WDR88: variants seen among roughly 807,000 people sequenced by gnomAD.
The protein encoded by WDR88 is WD repeat domain 88, also known as WD repeat-containing protein 88.
WDR88 carries 40 observed loss-of-function variants against 46.8 expected under a neutral mutation model. The observed-to-expected ratio is 0.86, with a 90% confidence interval of 0.66 to 1.11. The LOEUF (loss-of-function observed/expected upper bound fraction) is 1.11, where lower values mean the gene tolerates loss of function less well. Ranked by LOEUF, WDR88 falls within the 50% of genes most tolerant of loss-of-function variation. The pLI is 0.00. For missense variants in WDR88, 562 were observed against 602.4 expected (o/e 0.93, Z 0.70); for synonymous variants, 235 against 240.7 (o/e 0.98, Z 0.22).
At chr19:33,165,593 G>A (rs545134726) in intron 9 of WDR88, among the ~76,000 whole-genome samples, 1 of 152,234 alleles carries the variant, frequency 6.6e-6, no homozygotes, top group South Asian at 2.1e-4. Flanking sequence ...ATATGTTTGA[G>A]AAAAATATAA....
At chr19:33,138,007 G>A (rs1973310734) in intron 2 of WDR88, among the ~76,000 whole-genome samples, 1 of 151,992 alleles carries the variant, frequency 6.6e-6, no homozygotes. Context: ...GTGGGAATGG[G>A]ATGGAGACCT....
At chr19:33,145,850 T>C (rs1237133392) in intron 3 of WDR88, among the ~76,000 whole-genome samples, 2 of 152,174 alleles carry the variant, frequency 1.3e-5, no homozygotes, top group Non-Finnish European at 2.9e-5. Context: ...TTATCTTATA[T>C]AGAGGACAAA....
In WDR88 at chr19:33,155,868, C is replaced by T. The variant is rs569298215; in HGVS notation, c.810-487C>T. On this transcript the variant is annotated intron_variant, in intron 6 of 10. Transcript: ENST00000355868. ...TAGCCAGGAGAGGCCAGGGATGCTG[C>T]TCCACCTCCTACAGAACACAGGACG... Among the ~76,000 whole-genome samples the T allele has an allele frequency of 3.3e-5, 5 of 152,316 alleles. No individual in the cohort carries two copies. In the South Asian group the frequency reaches 1.0e-3, roughly 32 times the overall value.
intron 7 of WDR88, among the ~76,000 whole-genome samples, chr19:33,157,533 A>ATATATG (rs1973762518): frequency 1.5e-5 from 2 of 130,126 alleles, no homozygotes; most frequent in South Asian, 2.2e-4. Context: ...GTGTATATAT[A>ATATATG]TATATATGTA....
intron 2 of WDR88, among the ~76,000 whole-genome samples, chr19:33,139,719 T>A (rs1368963164): frequency 2.0e-5 from 3 of 152,144 alleles, no homozygotes. Flanking sequence ...ATTGTCTGTT[T>A]TTGTTTGTTT....
chr19:33,147,267 G>C (rs1223352166), intron 3 of WDR88, among the ~76,000 whole-genome samples: 1 of 151,084 alleles, frequency 6.6e-6, no homozygotes, highest in South Asian at 2.1e-4. Flanking sequence ...GGGGGCGGGG[G>C]AGGATGGAAA....
intron 4 of WDR88, among the ~76,000 whole-genome samples, chr19:33,148,215 C>T (rs918817175): frequency 6.6e-6 from 1 of 151,920 alleles, no homozygotes; most frequent in Non-Finnish European, 1.5e-5. Flanking sequence ...CCCACTCGGC[C>T]CTGCACCCCT....
rs1210626315 is a variant in WDR88 at position 33,147,717 on chromosome 19, G to C, written c.540+9G>C. 1 of 1,613,552 alleles carries C rather than the reference G, an allele frequency of 6.2e-7. No individual in the cohort carries two copies. Among genetic ancestry groups the C allele is most frequent in the African/African-American group, 1.3e-5 (1 of 74,926 alleles). On this transcript the variant is annotated intron_variant, in intron 4 of 10. Transcript: ENST00000355868. Reference sequence around the variant, plus strand: ...AGACAGGCAAGCTGCTGGTACGTATGCCTGTCCAGTGGGGGCGTTGGTTGC... The same window carrying C: ...AGACAGGCAAGCTGCTGGTACGTATCCCTGTCCAGTGGGGGCGTTGGTTGC...
At chr19:33,156,670 C>T (rs1011814594) in intron 7 of WDR88, 128 bp downstream of exon 7, 104 of 1,125,716 alleles carry the variant, frequency 9.2e-5, no homozygotes, top group East Asian at 8.0e-4. Flanking sequence ...TTCTTCCCCA[C>T]GAGAACAAAA....
At chr19:33,170,753 T>G (rs1974024650) in intron 9 of WDR88, among the ~76,000 whole-genome samples, 1 of 151,964 alleles carries the variant, frequency 6.6e-6, no homozygotes, top group Non-Finnish European at 1.5e-5. Flanking sequence ...TCCCAGCTAT[T>G]CGGGGGGCCA....
intron 2 of WDR88, 58 bp downstream of exon 2, chr19:33,137,845 C>T (rs1365237920): frequency 2.0e-6 from 3 of 1,468,348 alleles, no homozygotes; most frequent in Non-Finnish European, 2.8e-6. Flanking sequence ...GCTTAGGCAC[C>T]TCCTGTGTCG....
intron 8 of WDR88, among the ~76,000 whole-genome samples, chr19:33,162,633 G>C (rs62125330): frequency 6.6e-6 from 1 of 151,990 alleles, no homozygotes; most frequent in Non-Finnish European, 1.5e-5. Flanking sequence ...CCTCTGAGGG[G>C]TATTTCCTAG....
chr19:33,151,963 G>A (rs1973642794), intron 6 of WDR88, among the ~76,000 whole-genome samples: 1 of 152,100 alleles, frequency 6.6e-6, no homozygotes, highest in Admixed American at 6.6e-5. Flanking sequence ...TGGGCTCGGT[G>A]GCTCATGCCT....
intron 8 of WDR88, among the ~76,000 whole-genome samples, chr19:33,160,717 C>G (rs1300500134): frequency 1.3e-5 from 2 of 152,144 alleles, no homozygotes; most frequent in African/African-American, 2.4e-5. Context: ...AGGCGGGGGA[C>G]CCATCCACAT....
intron 3 of WDR88, among the ~76,000 whole-genome samples, chr19:33,146,671 C>T (rs1002206669): frequency 2.6e-5 from 4 of 152,166 alleles, no homozygotes; most frequent in Admixed American, 1.3e-4. Flanking sequence ...GTGTGCACCA[C>T]CATGCCTGGC....
rs985378938 is a variant in WDR88 at position 33,174,301 on chromosome 19, G to C, written c.1243-1095G>C. On this transcript the variant is annotated intron_variant, in intron 10 of 10. Coordinates refer to ENST00000355868, the MANE Select transcript of WDR88 (RefSeq NM_173479.4). ...CTTCCCCGAGGCCTGCCCCAGGTAGGGTTTACCCCCCTCTCCAGCAGGCCT... is the reference window on the plus strand; with the variant it reads ...CTTCCCCGAGGCCTGCCCCAGGTAGCGTTTACCCCCCTCTCCAGCAGGCCT... 9.8e-6 allele frequency: 15 copies of C among 1,525,936 alleles called. No homozygotes were observed. In the African/African-American group the frequency reaches 2.1e-4, roughly 21 times the overall value. The allele number at this position is 1,525,936 out of a possible 1,614,324, so 94.5% of individuals were successfully genotyped here.
intron 7 of WDR88, among the ~76,000 whole-genome samples, chr19:33,158,919 T>C (rs1017732614): frequency 6.6e-5 from 10 of 152,078 alleles, no homozygotes; most frequent in African/African-American, 2.4e-4. Context: ...AGGCTGGTCT[T>C]GAACTCCTGT....
intron 1 of WDR88, among the ~76,000 whole-genome samples, chr19:33,134,843 C>G (rs113981489): frequency 0.013 from 1,701 of 130,780 alleles, 85 homozygotes; most frequent in African/African-American, 0.043. Flanking sequence ...CCCCGACACC[C>G]CCCCCCCCGC....
At position 33,132,387 on chromosome 19, in the gene WDR88, C is replaced by T. The variant is rs1374708010; in HGVS notation, c.218C>T (p.Pro73Leu). The T allele has an allele frequency of 1.2e-6, 2 of 1,614,038 alleles. No homozygotes were observed. Among genetic ancestry groups the T allele is most frequent in the Admixed American group, 1.7e-5 (1 of 59,992 alleles). Reference protein sequence around the residue: ...LDREPPPHLLPEKHQVPEKLI... With the variant: ...LDREPPPHLLLEKHQVPEKLI... ...AGGGAACCACCACCGCATCTGTTGC[C>T]TGAGAAGCACCAGGTGCCGGAGAAA... The change falls in exon 1 of 11, where the codon CCT becomes CTT. Residue 73 changes from proline to leucine, a missense_variant. By Grantham distance (98) the Pro-to-Leu change is moderately conservative. Transcript: ENST00000355868.
Sources: gnomAD v4.1 joint callset for allele counts (sites outside exome capture counted in the v4.1 genomes callset) on GRCh38, gnomAD v4.1.1 for gene constraint, MANE v1.5 for transcripts, NCBI Gene and HGNC (gene_info 2026-07-23, HGNC 2026-07-21) for gene names.